AP2A2: variants seen among roughly 807,000 people sequenced by gnomAD.
The protein encoded by AP2A2 is AP-2 complex subunit alpha-2.
In AP2A2, 32 loss-of-function variants were observed where a neutral mutation model predicts 104.2. That is an observed-to-expected ratio of 0.31 (90% CI 0.23 to 0.41). The LOEUF is 0.41. Ranked by LOEUF, AP2A2 falls within the 10% of genes least tolerant of loss-of-function variation. AP2A2 has a pLI of 1.00. For synonymous variants in AP2A2, 539 were observed against 533.3 expected, an observed-to-expected ratio of 1.01 and a Z score of -0.15; for missense variants, 912 against 1,261.0, an observed-to-expected ratio of 0.72 and a Z score of 4.19.
chr11:943,369 G>A (rs1025343427), intron 1 of AP2A2: 1 of 153,080 alleles, frequency 6.5e-6, no homozygotes, highest in African/African-American at 2.4e-5. Context: ...GGATGGGACA[G>A]GGATTTTCAC....
chr11:939,133 C>T (rs1368114506), intron 1 of AP2A2, among the ~76,000 whole-genome samples: 1 of 151,340 alleles, frequency 6.6e-6, no homozygotes, highest in Non-Finnish European at 1.5e-5. Flanking sequence ...CACCTGTAAT[C>T]CCAGCTACTT....
intron 9 of AP2A2, among the ~76,000 whole-genome samples, 159 bp from the exon 10 acceptor site, chr11:988,393 C>G (rs1233514041): frequency 6.6e-6 from 1 of 152,240 alleles, no homozygotes; most frequent in Non-Finnish European, 1.5e-5. Flanking sequence ...GCTGTCCAGA[C>G]ACACGTGGCC....
intron 16 of AP2A2, among the ~76,000 whole-genome samples, chr11:1,004,371 G>T (rs537048620): frequency 6.6e-6 from 1 of 152,296 alleles, no homozygotes; most frequent in African/African-American, 2.4e-5. Flanking sequence ...TACTTGGGAG[G>T]CTGAGGCAGG....
At chr11:949,025 C>T (rs540055491) in intron 1 of AP2A2, among the ~76,000 whole-genome samples, 1 of 152,146 alleles carries the variant, frequency 6.6e-6, no homozygotes, top group Non-Finnish European at 1.5e-5. Context: ...TGCAGTGGCT[C>T]ATGCCTGTAA....
intron 3 of AP2A2, 38 bp downstream of exon 3, chr11:970,349 G>T (rs753930027): frequency 6.2e-7 from 1 of 1,605,002 alleles, no homozygotes; most frequent in Admixed American, 1.7e-5. Flanking sequence ...AGAGGATGGC[G>T]TGGGCCTGGC....
intron 1 of AP2A2, among the ~76,000 whole-genome samples, chr11:946,040 G>A (rs1439741357): frequency 6.6e-6 from 1 of 152,176 alleles, no homozygotes; most frequent in Non-Finnish European, 1.5e-5. Context: ...CCACTTAGCC[G>A]GAATGGTGGA....
chr11:975,274 A>C (rs1362531686), intron 4 of AP2A2, among the ~76,000 whole-genome samples: 125 of 103,606 alleles, frequency 1.2e-3, no homozygotes, highest in Middle Eastern at 0.017. Context: ...GGTCCTCGGT[A>C]TCCCTCGTGT....
intron 1 of AP2A2, among the ~76,000 whole-genome samples, chr11:954,281 C>T (rs898324565): frequency 6.6e-6 from 1 of 152,208 alleles, no homozygotes; most frequent in African/African-American, 2.4e-5. Context: ...ACGTGCTGGC[C>T]CCAAAGTTCA....
intron 5 of AP2A2, among the ~76,000 whole-genome samples, chr11:977,758 G>T (rs2134656569): frequency 6.6e-6 from 1 of 152,092 alleles, no homozygotes; most frequent in Non-Finnish European, 1.5e-5. Context: ...GCATCCAGCA[G>T]GGGTGGATGT....
intron 15 of AP2A2, chr11:1,001,308 T>A (rs569287229): frequency 1.3e-5 from 2 of 152,462 alleles, no homozygotes; most frequent in Admixed American, 6.5e-5. Context: ...GCATTCCGCT[T>A]ACTGGCTGCT....
chr11:931,090 G>T (rs1359037446), intron 1 of AP2A2, among the ~76,000 whole-genome samples: 5 of 151,966 alleles, frequency 3.3e-5, no homozygotes, highest in African/African-American at 7.3e-5. Context: ...TAATTTTGTG[G>T]GCTCAAGGAT....
rs1474346107 is a variant in AP2A2, at chr11:980,078, C to T, written c.604-1120C>T. Among the ~76,000 whole-genome samples, 15 of 125,092 alleles carry T rather than the reference C, an allele frequency of 1.2e-4. No individual in the cohort carries two copies. The East Asian group carries it at 2.7e-3, about 23-fold the overall frequency. 82.1% of individuals were successfully genotyped at this position (125,092 alleles called of 152,430 possible). ...GGAGCGGTGACAGGCTGCCCGGTGC[C>T]GTGTCCTGGAGCGGTGACAGGCTGC... is the stretch of plus-strand genomic sequence containing the variant. On this transcript the variant is annotated intron_variant, in intron 5 of 21. Transcript: ENST00000448903.
At chr11:949,526 C>T (rs910727591) in intron 1 of AP2A2, among the ~76,000 whole-genome samples, 1 of 152,134 alleles carries the variant, frequency 6.6e-6, no homozygotes. Flanking sequence ...CCTGTAATCC[C>T]AGCACTTTCG....
intron 14 of AP2A2, 146 bp downstream of exon 14, chr11:994,391 C>A: frequency 9.8e-7 from 1 of 1,021,966 alleles, no homozygotes; most frequent in Non-Finnish European, 1.4e-6. Context: ...CTGTCCTGTC[C>A]TGGGGGCCAC....
chr11:946,060 C>G (rs1305722359), intron 1 of AP2A2, among the ~76,000 whole-genome samples: 2 of 152,198 alleles, frequency 1.3e-5, no homozygotes, highest in Non-Finnish European at 2.9e-5. Flanking sequence ...AGTGAGGCCT[C>G]TGTAATCCAA....
At chr11:994,036 G>A (rs778928705) in intron 13 of AP2A2, 36 bp from the exon 14 acceptor site, 2 of 1,609,370 alleles carry the variant, frequency 1.2e-6, no homozygotes, top group South Asian at 1.1e-5. Flanking sequence ...TGGAGGCCAG[G>A]AGCTCTGACC....
chr11:1,000,325 A>G (rs2133768282), intron 14 of AP2A2, 107 bp from the exon 15 acceptor site: 1 of 1,138,528 alleles, frequency 8.8e-7, no homozygotes, highest in East Asian at 2.6e-5. Flanking sequence ...CTGGGAGTGC[A>G]TGGATGCCAA....
intron 6 of AP2A2, among the ~76,000 whole-genome samples, chr11:983,642 C>T (rs1443427858): frequency 1.3e-5 from 2 of 152,208 alleles, no homozygotes; most frequent in African/African-American, 2.4e-5. Flanking sequence ...CTTGGCCTCT[C>T]AAAGTGCTGG....
In AP2A2 at chr11:993,220, G is replaced by T; in HGVS notation, c.1453-64G>T. 1 of 1,367,876 alleles carries T rather than the reference G, an allele frequency of 7.3e-7. No individual in the cohort carries two copies. The highest frequency in any genetic ancestry group is 9.9e-7 in the Non-Finnish European group (1 of 1,006,596). 84.7% of individuals were successfully genotyped at this position (1,367,876 alleles called of 1,614,324 possible). A position where few individuals can be genotyped will look rare whatever the true frequency, so the allele number is the denominator to read the frequency against. On this transcript the variant is annotated intron_variant, in intron 11 of 21. Coordinates refer to ENST00000448903, the MANE Select transcript of AP2A2 (RefSeq NM_012305.4). The surrounding 1 kb of genome is among the most constrained non-coding windows in gnomAD (Gnocchi z 8.2). ...GGTGTAGGGTGCACCGCGCCAGGAC[G>T]TGCCCGCCTCGCCTTAACTCTGGCA...
Sources: allele counts gnomAD v4.1 joint callset (sites outside exome capture counted in the v4.1 genomes callset), GRCh38; gene constraint gnomAD v4.1.1; non-coding constraint Gnocchi (gnomAD v3.1); transcripts MANE v1.5; gene names NCBI Gene and HGNC (gene_info 2026-07-23, HGNC 2026-07-21).